The following GSK3B variants were observed in gnomAD, a reference collection of about 807,000 sequenced individuals.
GSK3B encodes the protein glycogen synthase kinase-3 beta.
GSK3B carries 15 observed loss-of-function variants against 56.4 expected under a neutral mutation model. That is an observed-to-expected ratio of 0.27 (90% confidence interval 0.18 to 0.41). GSK3B has a LOEUF of 0.41. Among genes scored for constraint, GSK3B ranks in the 10% least tolerant of loss-of-function variants. The pLI is 1.00. For synonymous variants in GSK3B, 181 were observed against 188.9 expected (o/e 0.96, Z 0.34); for missense variants, 300 against 513.4 (o/e 0.58, Z 4.02).
At chr3:119,830,297 TAACTC>T (rs1243094419) in intron 10 of GSK3B, among the ~76,000 whole-genome samples, 1 of 152,290 alleles carries the variant, frequency 6.6e-6, no homozygotes, top group Middle Eastern at 3.4e-3. Flanking sequence ...TTTTTAGAAA[TAACTC>T]AAGAAACAAA....
At chr3:119,943,765 G>C (rs986361253) in intron 3 of GSK3B, among the ~76,000 whole-genome samples, 2 of 151,656 alleles carry the variant, frequency 1.3e-5, no homozygotes, top group Non-Finnish European at 2.9e-5. Context: ...GAGGGAGAGA[G>C]ACAGAGAGAA....
intron 7 of GSK3B, among the ~76,000 whole-genome samples, chr3:119,876,843 T>C (rs1252158724): frequency 6.6e-6 from 1 of 152,164 alleles, no homozygotes; most frequent in Non-Finnish European, 1.5e-5. Flanking sequence ...TCCCTCTCAC[T>C]CTTGCCTTGT....
At chr3:120,055,512 G>C (rs1041808649) in intron 1 of GSK3B, among the ~76,000 whole-genome samples, 11 of 152,128 alleles carry the variant, frequency 7.2e-5, no homozygotes, top group Non-Finnish European at 1.2e-4. Flanking sequence ...ACAATATTTA[G>C]AGCAAAATGC....
At chr3:119,853,641 C>G (rs1383966127) in intron 9 of GSK3B, among the ~76,000 whole-genome samples, 1 of 152,116 alleles carries the variant, frequency 6.6e-6, no homozygotes, top group Non-Finnish European at 1.5e-5. Flanking sequence ...CTTCACGTCC[C>G]TTGTAAGTTG....
At chr3:119,923,272 C>A in intron 4 of GSK3B, 101 bp downstream of exon 4, 1 of 537,062 alleles carries the variant, frequency 1.9e-6, no homozygotes, top group Non-Finnish European at 3.3e-6. Context: ...GTTTTTCTCC[C>A]TGAGTATTAA....
intron 2 of GSK3B, among the ~76,000 whole-genome samples, chr3:119,973,743 C>T (rs1431306299): frequency 6.6e-6 from 1 of 152,084 alleles, no homozygotes. Flanking sequence ...ACTTACTGTG[C>T]CTAATTTGTA....
intron 4 of GSK3B, among the ~76,000 whole-genome samples, chr3:119,922,338 T>G (rs549289893): frequency 3.7e-4 from 55 of 148,050 alleles, no homozygotes; most frequent in Non-Finnish European, 7.0e-4. Flanking sequence ...TATATATACT[T>G]TATATATAAA....
intron 1 of GSK3B, among the ~76,000 whole-genome samples, chr3:120,003,707 T>C (rs777579246): frequency 2.0e-5 from 3 of 152,368 alleles, no homozygotes; most frequent in Non-Finnish European, 2.9e-5. Context: ...GAAGTATTAA[T>C]ATACACAAAA....
At chr3:119,839,937 T>C (rs137916212) in intron 10 of GSK3B, among the ~76,000 whole-genome samples, 16 of 152,336 alleles carry the variant, frequency 1.1e-4, no homozygotes, top group African/African-American at 3.1e-4. Context: ...AGAAATTCTT[T>C]GAAAATTTAA....
intron 7 of GSK3B, among the ~76,000 whole-genome samples, chr3:119,881,726 G>A (rs2056381149): frequency 6.6e-6 from 1 of 152,152 alleles, no homozygotes; most frequent in African/African-American, 2.4e-5. Flanking sequence ...TTACTGATAT[G>A]GTTTGGCTAT....
chr3:119,904,709 T>C (rs377500069), intron 7 of GSK3B, among the ~76,000 whole-genome samples: 1 of 152,138 alleles, frequency 6.6e-6, no homozygotes, highest in South Asian at 2.1e-4. Flanking sequence ...ATAAGCTGCA[T>C]CCCTAAGTAG....
chr3:119,833,441 C>T (rs2055634989), intron 10 of GSK3B, among the ~76,000 whole-genome samples: 1 of 152,072 alleles, frequency 6.6e-6, no homozygotes, highest in African/African-American at 2.4e-5. Flanking sequence ...CAGAAATGTT[C>T]TATTTATATT....
At chr3:119,971,483 C>T (rs1429505998) in intron 2 of GSK3B, among the ~76,000 whole-genome samples, 1 of 151,740 alleles carries the variant, frequency 6.6e-6, no homozygotes, top group Non-Finnish European at 1.5e-5. Flanking sequence ...CCACAGCTTG[C>T]TAACAGAATT....
chr3:119,969,271 G>A (rs1254576804), intron 2 of GSK3B, among the ~76,000 whole-genome samples: 2 of 146,014 alleles, frequency 1.4e-5, no homozygotes, highest in South Asian at 4.3e-4. Flanking sequence ...CAGCCTGGGT[G>A]ACAAAGCAAG....
chr3:119,842,753 T>C (rs6790751), intron 10 of GSK3B, among the ~76,000 whole-genome samples: 108,692 of 151,942 alleles, frequency 0.72, 40,603 homozygotes, highest in East Asian at 0.9. Context: ...ATATCTTATA[T>C]ATAAGGTACC....
intron 9 of GSK3B, among the ~76,000 whole-genome samples, chr3:119,850,064 T>C (rs1242777854): frequency 2.6e-5 from 4 of 152,094 alleles, no homozygotes; most frequent in African/African-American, 4.8e-5. Context: ...TATGTATGTA[T>C]GTATGTATGT....
chr3:119,955,047 A>T (rs2057198110), intron 2 of GSK3B, among the ~76,000 whole-genome samples: 1 of 152,066 alleles, frequency 6.6e-6, no homozygotes, highest in African/African-American at 2.4e-5. Flanking sequence ...AATCTAGTAA[A>T]ATAGGACTCA....
At position 119,824,643 on chromosome 3, in the gene GSK3B, G is replaced by A. The variant is rs900091559; in HGVS notation, c.*2145C>T. 1 of 199,070 alleles carries A rather than the reference G, an allele frequency of 5.0e-6. No individual in the cohort carries two copies. The highest frequency in any genetic ancestry group is 2.3e-5 in the African/African-American group (1 of 43,430). 12.3% of individuals were successfully genotyped at this position (199,070 alleles called of 1,614,324 possible). On this transcript the variant is annotated 3_prime_UTR_variant, in exon 11 of 11. Coordinates refer to ENST00000264235, the MANE Select transcript of GSK3B (RefSeq NM_001146156.2). Reference sequence around the variant, plus strand: ...AAGGAGTTATGCTGCCAAATACTTTGATTTCAGACTTCTTTCAAATCTTAG... The same window carrying A: ...AAGGAGTTATGCTGCCAAATACTTTAATTTCAGACTTCTTTCAAATCTTAG...
At position 119,875,297 on chromosome 3, in the gene GSK3B, G is replaced by C. The variant is rs181264839; in HGVS notation, c.909+1116C>G. On this transcript the variant is annotated intron_variant, in intron 8 of 10. Coordinates refer to ENST00000264235, the MANE Select transcript of GSK3B (RefSeq NM_001146156.2). ...TCATAATATATCTGATTAAGAGAGA[G>C]AGAGAGAAAGAAACATACTTTGATT... is the stretch of plus-strand genomic sequence containing the variant. Among the ~76,000 whole-genome samples, 7 of 152,128 alleles carry C rather than the reference G, an allele frequency of 4.6e-5. No individual in the cohort carries two copies. In the East Asian group the frequency reaches 1.3e-3, roughly 29 times the overall value.
Sources: allele counts gnomAD v4.1 joint callset (sites outside exome capture counted in the v4.1 genomes callset), GRCh38; gene constraint gnomAD v4.1.1; transcripts MANE v1.5; gene names NCBI Gene and HGNC (gene_info 2026-07-23, HGNC 2026-07-21).